GALNT13: variants seen among roughly 807,000 people sequenced by gnomAD.
GALNT13 encodes the protein UDP-GalNAc:polypeptide N-acetylgalactosaminyltransferase 13.
Under a neutral mutation model 64.2 loss-of-function variants are expected in GALNT13, and 28 were observed. The observed-to-expected ratio is 0.44, with a 90% confidence interval of 0.32 to 0.60. The LOEUF is 0.60. Among genes scored for constraint, GALNT13 ranks in the 20% least tolerant of loss-of-function variants. GALNT13 has a pLI of 0.05. For missense variants in GALNT13, 577 were observed against 669.8 expected (o/e 0.86, Z 1.53); for synonymous variants, 214 against 224.6 (o/e 0.95, Z 0.42).
intron 7 of GALNT13, among the ~76,000 whole-genome samples, chr2:154,251,194 T>C (rs1383908331): frequency 1.3e-5 from 2 of 152,104 alleles, no homozygotes; most frequent in African/African-American, 4.8e-5. Flanking sequence ...AATAATTTTG[T>C]CACATGAACC....
rs896741660 is a variant in GALNT13 at position 154,022,105 on chromosome 2, C to G, written c.142+77466C>G. 2.7e-3 allele frequency among the ~76,000 whole-genome samples: 411 copies of G among 152,220 alleles called. 1 individual carries two copies. Among genetic ancestry groups the G allele is most frequent in the Non-Finnish European group, 4.5e-3 (305 of 68,022 alleles). On this transcript the variant is annotated intron_variant, in intron 3 of 12. Transcript: ENST00000392825. ...TGATGTGCTGCTGGATTCGGTTTGC[C>G]AGTATTTTATTGAGGATTTTTGCAT...
At chr2:153,824,120 A>G in the GALNT13 span, among the ~76,000 whole-genome samples, 2 of 152,174 alleles carry the variant, frequency 1.3e-5, no homozygotes, top group South Asian at 2.1e-4. Context: ...TAAACAACAA[A>G]TGCTGGTGAG....
At chr2:153,931,066 A>AGTTGT (rs1553456571) in intron 2 of GALNT13, among the ~76,000 whole-genome samples, 13 of 138,288 alleles carry the variant, frequency 9.4e-5, no homozygotes, top group African/African-American at 3.6e-4. Context: ...TGTATTCCTA[A>AGTTGT]GTGTGTGTGT....
At chr2:153,699,312 C>T in the GALNT13 span, among the ~76,000 whole-genome samples, 1 of 152,068 alleles carries the variant, frequency 6.6e-6, no homozygotes, top group African/African-American at 2.4e-5. Flanking sequence ...AGGTAACCTA[C>T]CAGTATCTCT....
chr2:153,441,171 G>T, the GALNT13 span, among the ~76,000 whole-genome samples: 1 of 152,136 alleles, frequency 6.6e-6, no homozygotes, highest in South Asian at 2.1e-4. Flanking sequence ...CATATGGCTG[G>T]CCAGTTTTCC....
chr2:154,267,971 A>G (rs1480187794), intron 8 of GALNT13, among the ~76,000 whole-genome samples: 1 of 152,210 alleles, frequency 6.6e-6, no homozygotes, highest in East Asian at 1.9e-4. Context: ...AAGGTTAAGA[A>G]GGCTGACCAT....
At chr2:153,694,639 A>G in the GALNT13 span, among the ~76,000 whole-genome samples, 3 of 152,172 alleles carry the variant, frequency 2.0e-5, no homozygotes, top group Non-Finnish European at 4.4e-5. Context: ...AAAACCATCT[A>G]TGGTGTTAGA....
chr2:153,438,922 T>A, the GALNT13 span, among the ~76,000 whole-genome samples: 1 of 152,196 alleles, frequency 6.6e-6, no homozygotes, highest in Non-Finnish European at 1.5e-5. Context: ...CCAGTTTTTC[T>A]GCTCTGTTTT....
rs542266831 is a variant in GALNT13 at position 153,961,930 on chromosome 2, A to G, written c.142+17291A>G. Among the ~76,000 whole-genome samples the G allele has an allele frequency of 1.2e-4, 19 of 152,344 alleles. 1 individual carries two copies. The South Asian group carries it at 3.9e-3, about 32-fold the overall frequency. ...CATCACCTAAAACAGTGCCTGGCTT[A>G]TAGTGGGTGCTCACTTAACAATTGC... is the stretch of plus-strand genomic sequence containing the variant. On this transcript the variant is annotated intron_variant, in intron 3 of 12. Transcript: ENST00000392825.
At chr2:153,372,176 G>A in the GALNT13 span, among the ~76,000 whole-genome samples, 25 of 152,046 alleles carry the variant, frequency 1.6e-4, no homozygotes, top group African/African-American at 5.3e-4. Flanking sequence ...GAATGGGGGC[G>A]GCATGTGGTT....
intron 3 of GALNT13, among the ~76,000 whole-genome samples, chr2:154,022,060 A>T (rs1407665927): frequency 6.6e-6 from 1 of 152,104 alleles, no homozygotes; most frequent in Non-Finnish European, 1.5e-5. Flanking sequence ...AGCCCACTTG[A>T]TCATGGTGAA....
intron 3 of GALNT13, among the ~76,000 whole-genome samples, chr2:153,987,645 A>G (rs17619167): frequency 0.094 from 14,227 of 151,818 alleles, 1,711 homozygotes; most frequent in East Asian, 0.63. Context: ...TGGAGGAATC[A>G]TACTACAAAA....
At chr2:153,189,668 A>C in the GALNT13 span, among the ~76,000 whole-genome samples, 2 of 152,088 alleles carry the variant, frequency 1.3e-5, no homozygotes, top group African/African-American at 2.4e-5. Flanking sequence ...TTTTTGAGAA[A>C]TCTCCATACA....
intron 9 of GALNT13, among the ~76,000 whole-genome samples, chr2:154,378,205 T>C (rs1698091441): frequency 6.6e-6 from 1 of 152,122 alleles, no homozygotes; most frequent in Non-Finnish European, 1.5e-5. Context: ...AGAGGTTCAC[T>C]GGGATCGCAG....
chr2:154,356,783 A>T (rs1696774106), intron 9 of GALNT13, among the ~76,000 whole-genome samples: 1 of 151,562 alleles, frequency 6.6e-6, no homozygotes, highest in Non-Finnish European at 1.5e-5. Context: ...TGAGCCTTAA[A>T]CTATAAAACT....
chr2:153,452,086 A>G, the GALNT13 span, among the ~76,000 whole-genome samples: 1 of 152,202 alleles, frequency 6.6e-6, no homozygotes, highest in Non-Finnish European at 1.5e-5. Context: ...TTTGGTTAAC[A>G]AGTTTTCATG....
chr2:153,585,430 T>C, the GALNT13 span, among the ~76,000 whole-genome samples: 1 of 152,170 alleles, frequency 6.6e-6, no homozygotes, highest in African/African-American at 2.4e-5. Flanking sequence ...CATTTTGAAC[T>C]ATGTTGGTTG....
At chr2:154,416,328 C>G (rs1191722961) in intron 11 of GALNT13, among the ~76,000 whole-genome samples, 1 of 152,088 alleles carries the variant, frequency 6.6e-6, no homozygotes, top group Non-Finnish European at 1.5e-5. Context: ...CTTCTTCTTG[C>G]ATGCTCACAT....
intron 8 of GALNT13, among the ~76,000 whole-genome samples, chr2:154,264,145 T>C (rs1238393644): frequency 3.3e-5 from 5 of 152,148 alleles, no homozygotes; most frequent in Non-Finnish European, 5.9e-5. Context: ...TATTCAGCTG[T>C]GTCTTCACAA....
Sources: gnomAD v4.1 joint callset for allele counts (sites outside exome capture counted in the v4.1 genomes callset) on GRCh38, gnomAD v4.1.1 for gene constraint, MANE v1.5 for transcripts, NCBI Gene and HGNC (gene_info 2026-07-23, HGNC 2026-07-21) for gene names.